Variants in RCAN3 observed in about 807,000 individuals in gnomAD.
RCAN3 encodes the protein regulator of calcineurin 3, also known as calcipressin-3.
RCAN3 carries 19 observed loss-of-function variants against 21.9 expected under a neutral mutation model. The ratio of observed to expected loss-of-function variants is 0.87; its 90% CI spans 0.61 to 1.27. The LOEUF (loss-of-function observed/expected upper bound fraction) is 1.27. RCAN3 is among the 50% of genes most tolerant of loss of function. The probability of loss-of-function intolerance (pLI) is 0.00; values close to 1 mark genes in which losing one functional copy is unlikely to be tolerated. For missense variants in RCAN3, 240 were observed against 300.1 expected (o/e 0.80, Z 1.48); for synonymous variants, 114 against 112.3 (o/e 1.01, Z -0.09).
intron 1 of RCAN3, 136 bp from the exon 2 acceptor site, chr1:24,514,178 G>T: frequency 2.2e-6 from 1 of 452,226 alleles, no homozygotes; most frequent in Non-Finnish European, 3.9e-6. Flanking sequence ...GGACTGTAAT[G>T]CATTGATTTA....
rs1409936345 is a variant in RCAN3, at chr1:24,535,235, C to T, written c.684C>T (p.Thr228=). 1.0e-5 allele frequency: 16 copies of T among 1,580,738 alleles called. No homozygotes were observed. Among genetic ancestry groups the T allele is most frequent in the Admixed American group, 6.0e-5 (3 of 50,392 alleles). The change falls in exon 5 of 5, where the codon ACC becomes ACT. Residue 228 remains threonine (T), a synonymous_variant. Transcript: ENST00000374395. ...IAQTRRPDPP[T]AALNEPQTFD... ...AGACGAGGCGCCCCGACCCTCCGACCGCAGCGTTGAATGAGCCCCAGACCT... is the reference window on the plus strand; with the variant it reads ...AGACGAGGCGCCCCGACCCTCCGACTGCAGCGTTGAATGAGCCCCAGACCT...
intron 2 of RCAN3, among the ~76,000 whole-genome samples, chr1:24,521,434 C>T (rs370788401): frequency 3.3e-4 from 50 of 152,184 alleles, no homozygotes; most frequent in African/African-American, 1.1e-3. Context: ...AAGACTTAAA[C>T]GTTAGAATTA....
intron 4 of RCAN3, among the ~76,000 whole-genome samples, chr1:24,534,469 T>TGATAGCGGGCGC (rs1553152610): frequency 6.6e-6 from 1 of 151,980 alleles, no homozygotes; most frequent in African/African-American, 2.4e-5. Context: ...TAGCCGGGCG[T>TGATAGCGGGCGC]GATAGCGGGC....
At chr1:24,517,697 A>G (rs926952242) in intron 2 of RCAN3, among the ~76,000 whole-genome samples, 2 of 152,216 alleles carry the variant, frequency 1.3e-5, no homozygotes, top group African/African-American at 4.8e-5. Context: ...GATATAAAAT[A>G]TGGACAGAAT....
chr1:24,519,773 G>A (rs1401979701), intron 2 of RCAN3, among the ~76,000 whole-genome samples: 2 of 152,198 alleles, frequency 1.3e-5, no homozygotes, highest in Admixed American at 1.3e-4. Context: ...CTGTAAGATG[G>A]TTGTTGAGGC....
At chr1:24,523,067 C>CACT (rs1557573059) in intron 2 of RCAN3, among the ~76,000 whole-genome samples, 11 of 139,044 alleles carry the variant, frequency 7.9e-5, no homozygotes, top group African/African-American at 3.1e-4. Context: ...TGTACACACA[C>CACT]TTTTTTTTTT....
At position 24,524,819 on chromosome 1, in the gene RCAN3, TTTTCTTTTG is replaced by T. The variant is rs1445504229; in HGVS notation, c.196-6395_196-6387del. Among the ~76,000 whole-genome samples the T allele has an allele frequency of 7.9e-5, 11 of 139,016 alleles. No individual in the cohort carries two copies. The East Asian group carries it at 2.4e-3, about 30-fold the overall frequency. The allele number at this position is 139,016 out of a possible 152,430, so 91.2% of individuals were successfully genotyped here. A position where few individuals can be genotyped will look rare whatever the true frequency, so the allele number is the denominator to read the frequency against. ...CGTTCCTCCTACTCTGTTTATTTTG[TTTTCTTTTG>T]TTTTTTTTTTTTTTTTTTTGAGACA... On this transcript the variant is annotated intron_variant, in intron 2 of 4. Coordinates refer to ENST00000374395, the MANE Select transcript of RCAN3 (RefSeq NM_013441.4).
chr1:24,502,772 C>T (rs1032696737), upstream of RCAN3: 2 of 151,202 alleles, frequency 1.3e-5, no homozygotes, highest in African/African-American at 4.8e-5. Flanking sequence ...CCGCCCCGGT[C>T]CCCGCCCGGG....
rs2148919252 is a variant in RCAN3, at chr1:24,540,887, C to T, written c.*5610C>T. ...TTTGTAGTAGTTTGTTATTTGTCAA[C>T]TTTACCCTGTGTTTTAAGGACATCT... On this transcript the variant is annotated 3_prime_UTR_variant, in exon 5 of 5. Coordinates refer to ENST00000374395, the MANE Select transcript of RCAN3 (RefSeq NM_013441.4). 1 of 152,268 alleles carries T rather than the reference C, an allele frequency of 6.6e-6. No homozygotes were observed. Among genetic ancestry groups the T allele is most frequent in the South Asian group, 2.1e-4 (1 of 4,826 alleles). The allele number at this position is 152,268 out of a possible 1,614,324, so 9.4% of individuals were successfully genotyped here.
intron 2 of RCAN3, among the ~76,000 whole-genome samples, chr1:24,516,789 C>T (rs989076746): frequency 2.6e-5 from 4 of 152,182 alleles, no homozygotes; most frequent in Non-Finnish European, 2.9e-5. Flanking sequence ...GGATTGCACC[C>T]GCCTGGAGAT....
At chr1:24,534,291 AC>A (rs763487131) in intron 4 of RCAN3, among the ~76,000 whole-genome samples, 16 of 152,092 alleles carry the variant, frequency 1.1e-4, no homozygotes, top group Non-Finnish European at 1.8e-4. Context: ...TATCTCCCAA[AC>A]TGAAACCATT....
At chr1:24,524,231 A>C (rs1016954548) in intron 2 of RCAN3, among the ~76,000 whole-genome samples, 2 of 152,206 alleles carry the variant, frequency 1.3e-5, no homozygotes, top group African/African-American at 4.8e-5. Flanking sequence ...AAGATAAAAA[A>C]TAAGGAGTTC....
chr1:24,520,260 A>C (rs1648677545), intron 2 of RCAN3, among the ~76,000 whole-genome samples: 1 of 152,220 alleles, frequency 6.6e-6, no homozygotes, highest in African/African-American at 2.4e-5. Flanking sequence ...CTGGCCAAGA[A>C]TTAGTAATTT....
In RCAN3 at chr1:24,533,177, TG is replaced by T; in HGVS notation, c.468del (p.Trp157GlyfsTer11). 1 of 1,606,836 alleles carries T rather than the reference TG, an allele frequency of 6.2e-7. No individual in the cohort carries two copies. Among genetic ancestry groups the T allele is most frequent in the Non-Finnish European group, 8.5e-7 (1 of 1,177,536 alleles). On this transcript the variant is annotated frameshift_variant, in exon 4 of 5. Coordinates refer to ENST00000374395, the MANE Select transcript of RCAN3 (RefSeq NM_013441.4). LOFTEE classifies it high-confidence loss of function. ...ATCTCCCCTCCAGCCTCTCCCCCGG[TG>T]GGGTGGAAGCAGAGCGAAGATGCGA... The part of the protein sequence containing the change: ...FLISPPASPP[V>X]GWKQSEDAMP...
chr1:24,519,849 G>A (rs1170691347), intron 2 of RCAN3, among the ~76,000 whole-genome samples: 1 of 152,164 alleles, frequency 6.6e-6, no homozygotes, highest in Non-Finnish European at 1.5e-5. Context: ...TAGTACGTAG[G>A]AGATTTAATC....
chr1:24,534,947 T>C, intron 4 of RCAN3, 146 bp from the exon 5 acceptor site: 2 of 757,868 alleles, frequency 2.6e-6, no homozygotes, highest in Non-Finnish European at 4.1e-6. Context: ...CAAAACAAGA[T>C]AAAATACTCT....
rs1650417388 is a variant in RCAN3 at position 24,539,984 on chromosome 1, C to T, written c.*4707C>T. On this transcript the variant is annotated 3_prime_UTR_variant, in exon 5 of 5. Transcript: ENST00000374395. ...TGTAAGTCCATGTTACAGAAACTCA[C>T]TATTTAAAAAGTTTTAAAAGATTTA... 6.6e-6 allele frequency: 1 copy of T among 152,210 alleles called. No homozygotes were observed. The highest frequency in any genetic ancestry group is 6.5e-5 in the Admixed American group (1 of 15,284). 9.4% of individuals were successfully genotyped at this position (152,210 alleles called of 1,614,324 possible). A position where few individuals can be genotyped will look rare whatever the true frequency, so the allele number is the denominator to read the frequency against.
intron 2 of RCAN3, among the ~76,000 whole-genome samples, chr1:24,528,095 G>A (rs1433436175): frequency 6.6e-6 from 1 of 152,024 alleles, no homozygotes; most frequent in Non-Finnish European, 1.5e-5. Flanking sequence ...TATGAATTTT[G>A]AGAAAAAGGT....
intron 4 of RCAN3, among the ~76,000 whole-genome samples, chr1:24,534,230 T>C (rs979967782): frequency 3.9e-5 from 6 of 152,146 alleles, no homozygotes; most frequent in Non-Finnish European, 8.8e-5. Context: ...GTCTTAGATA[T>C]CCAAGTTCCT....
Sources: gnomAD v4.1 joint callset for allele counts (sites outside exome capture counted in the v4.1 genomes callset) on GRCh38, gnomAD v4.1.1 for gene constraint, MANE v1.5 for transcripts, NCBI Gene and HGNC (gene_info 2026-07-23, HGNC 2026-07-21) for gene names.